Variants in LRRC69 observed in about 807,000 individuals in gnomAD.
The protein encoded by LRRC69 is leucine-rich repeat-containing protein 69.
A neutral mutation model predicts 37.8 loss-of-function variants in LRRC69; 42 were observed. The observed-to-expected ratio is 1.11, with a 90% CI of 0.87 to 1.44. The LOEUF (loss-of-function observed/expected upper bound fraction) is 1.44. LRRC69 is among the 40% of genes most tolerant of loss of function. The pLI is 0.00. For synonymous variants in LRRC69, 141 were observed against 143.1 expected, an observed-to-expected ratio of 0.99 and a Z score of 0.11; for missense variants, 357 against 401.9, an observed-to-expected ratio of 0.89 and a Z score of 0.96.
chr8:91,155,737 T>G (rs1808822011), intron 5 of LRRC69, among the ~76,000 whole-genome samples: 1 of 150,918 alleles, frequency 6.6e-6, no homozygotes, highest in Non-Finnish European at 1.5e-5. Context: ...ACATGCGGTA[T>G]TTATCTTTCT....
intron 5 of LRRC69, among the ~76,000 whole-genome samples, chr8:91,143,579 T>G (rs1255181970): frequency 1.3e-5 from 2 of 152,076 alleles, no homozygotes; most frequent in Middle Eastern, 3.4e-3. Flanking sequence ...ATACTGTTTT[T>G]ATAAGAAAAA....
At chr8:91,194,809 A>G (rs1193109308) in intron 6 of LRRC69, among the ~76,000 whole-genome samples, 3 of 151,902 alleles carry the variant, frequency 2.0e-5, no homozygotes, top group Admixed American at 6.6e-5. Context: ...TGGATTCATT[A>G]ATTTTTTGAA....
intron 5 of LRRC69, among the ~76,000 whole-genome samples, chr8:91,159,472 T>A (rs908811611): frequency 6.6e-5 from 10 of 151,250 alleles, no homozygotes; most frequent in Non-Finnish European, 1.3e-4. Context: ...ACTAAAAATT[T>A]TTTAAACAAA....
intron 5 of LRRC69, among the ~76,000 whole-genome samples, chr8:91,147,464 C>G (rs537033467): frequency 6.6e-6 from 1 of 151,198 alleles, no homozygotes; most frequent in African/African-American, 2.4e-5. Flanking sequence ...GAGACGAGGT[C>G]TCACTATTTT....
intron 7 of LRRC69, among the ~76,000 whole-genome samples, chr8:91,204,580 G>A (rs1321671763): frequency 6.6e-6 from 1 of 152,176 alleles, no homozygotes; most frequent in African/African-American, 2.4e-5. Context: ...GCAGAACAAA[G>A]GCTCCTGCAT....
intron 5 of LRRC69, among the ~76,000 whole-genome samples, chr8:91,187,624 CTG>C (rs1809426692): frequency 1.3e-5 from 2 of 152,162 alleles, no homozygotes; most frequent in Non-Finnish European, 2.9e-5. Context: ...TTACTGAAAA[CTG>C]TGGGACATTT....
intron 5 of LRRC69, among the ~76,000 whole-genome samples, chr8:91,165,560 A>C (rs1337758953): frequency 6.6e-6 from 1 of 151,746 alleles, no homozygotes; most frequent in African/African-American, 2.4e-5. Flanking sequence ...ATCTGGTGGC[A>C]AGATTTCTCA....
chr8:91,168,608 CT>C (rs1809071124), intron 5 of LRRC69, among the ~76,000 whole-genome samples: 1 of 151,940 alleles, frequency 6.6e-6, no homozygotes, highest in Non-Finnish European at 1.5e-5. Context: ...AACAACCTAC[CT>C]GCTAAGCAGG....
intron 5 of LRRC69, among the ~76,000 whole-genome samples, chr8:91,176,134 A>ATATATATATATATATATTTTTTTTTTT: frequency 1.3e-5 from 1 of 75,710 alleles, no homozygotes; most frequent in African/African-American, 6.1e-5. Flanking sequence ...ATATATATAT[A>ATATATATATATATATATTTTTTTTTTT]TTTTTTTTTT....
intron 5 of LRRC69, among the ~76,000 whole-genome samples, chr8:91,167,678 C>A (rs181377278): frequency 6.6e-6 from 1 of 152,068 alleles, no homozygotes; most frequent in African/African-American, 2.4e-5. Flanking sequence ...AATGTAAATA[C>A]TCCCACCATG....
chr8:91,180,309 A>G (rs1469592557), intron 5 of LRRC69, among the ~76,000 whole-genome samples: 1 of 152,186 alleles, frequency 6.6e-6, no homozygotes, highest in Admixed American at 6.5e-5. Flanking sequence ...TGGCTTACTC[A>G]CATGGCTTTT....
intron 1 of LRRC69, among the ~76,000 whole-genome samples, chr8:91,123,719 TA>T (rs1198584424): frequency 1.3e-5 from 2 of 152,010 alleles, no homozygotes; most frequent in Non-Finnish European, 1.5e-5. Flanking sequence ...AGGAGTAAAG[TA>T]AAAGACTCTT....
chr8:91,136,473 G>GA (rs1808421077), intron 5 of LRRC69, among the ~76,000 whole-genome samples: 1 of 151,812 alleles, frequency 6.6e-6, no homozygotes, highest in African/African-American at 2.4e-5. Flanking sequence ...CTATGTTTTA[G>GA]AAAAAAGTAT....
rs928595195 is a variant in LRRC69, at chr8:91,133,078, A to G, written c.384-32A>G. 12 of 1,313,940 alleles carry G rather than the reference A, an allele frequency of 9.1e-6. No homozygotes were observed. In the African/African-American group the frequency reaches 1.5e-4, roughly 17 times the overall value. 81.4% of individuals were successfully genotyped at this position (1,313,940 alleles called of 1,614,324 possible). ...GTGGACTCTTATTCTTGTGAGTTTC[A>G]TTCATATACTTTGGTGTTTTTTTTT... On this transcript the variant is annotated intron_variant, in intron 3 of 7. Coordinates refer to ENST00000448384, the Ensembl canonical transcript of LRRC69.
intron 6 of LRRC69, among the ~76,000 whole-genome samples, chr8:91,194,594 G>T (rs1397253289): frequency 6.6e-6 from 1 of 151,294 alleles, no homozygotes; most frequent in Non-Finnish European, 1.5e-5. Flanking sequence ...ATGTGTCGAG[G>T]AATTTATCCA....
intron 5 of LRRC69, among the ~76,000 whole-genome samples, chr8:91,188,827 C>T (rs374367911): frequency 6.6e-6 from 1 of 150,534 alleles, no homozygotes; most frequent in Admixed American, 6.6e-5. Context: ...GTATATCTTC[C>T]GTCTTCTGTT....
At chr8:91,114,056 A>G (rs1057461275) in intron 1 of LRRC69, among the ~76,000 whole-genome samples, 1 of 151,686 alleles carries the variant, frequency 6.6e-6, no homozygotes, top group African/African-American at 2.4e-5. Flanking sequence ...TAGGTATATG[A>G]AAAGGTACTC....
chr8:91,102,757 A>G, exon 1 of LRRC69: 8 of 1,552,004 alleles, frequency 5.2e-6, no homozygotes, highest in African/African-American at 1.4e-5. Context: ...TGCCCTCAGC[A>G]TTAGGAAAAC....
intron 1 of LRRC69, among the ~76,000 whole-genome samples, chr8:91,110,588 G>A (rs772122248): frequency 1.6e-5 from 2 of 127,258 alleles, no homozygotes; most frequent in Admixed American, 7.5e-5. Context: ...GCAGTGAGCC[G>A]AGATCATGCC....
Sources: gnomAD v4.1 joint callset for allele counts (sites outside exome capture counted in the v4.1 genomes callset) on GRCh38, gnomAD v4.1.1 for gene constraint, MANE v1.5 for transcripts, NCBI Gene and HGNC (gene_info 2026-07-23, HGNC 2026-07-21) for gene names.